RIT2: variants seen among roughly 807,000 people sequenced by gnomAD.
RIT2 encodes the protein Ras like without CAAX 2.
RIT2 carries 24 observed loss-of-function variants against 23.7 expected under a neutral mutation model. The observed-to-expected ratio is 1.01, with a 90% confidence interval of 0.73 to 1.43. The LOEUF is 1.43. RIT2 is among the 40% of genes most tolerant of loss of function. The probability of loss-of-function intolerance (pLI) is 0.00; values close to 1 mark genes in which losing one functional copy is unlikely to be tolerated. For synonymous variants in RIT2, 107 were observed against 91.1 expected, an observed-to-expected ratio of 1.17 and a Z score of -0.99; for missense variants, 236 against 266.9, an observed-to-expected ratio of 0.88 and a Z score of 0.81.
intron 4 of RIT2, among the ~76,000 whole-genome samples, chr18:42,763,128 A>G (rs1913340114): frequency 6.6e-6 from 1 of 152,188 alleles, no homozygotes; most frequent in Non-Finnish European, 1.5e-5. Flanking sequence ...TGTCTATTTA[A>G]ACAAAAGAAG....
chr18:42,867,319 C>T (rs888357754), intron 4 of RIT2, among the ~76,000 whole-genome samples: 1 of 152,068 alleles, frequency 6.6e-6, no homozygotes. Flanking sequence ...ATTCCTGATT[C>T]GGTAAGCCTG....
intron 4 of RIT2, among the ~76,000 whole-genome samples, chr18:42,759,971 T>G (rs1481846895): frequency 1.3e-5 from 2 of 152,042 alleles, no homozygotes; most frequent in African/African-American, 4.8e-5. Flanking sequence ...GAGATGGGGT[T>G]TCTCCATGTT....
intron 4 of RIT2, among the ~76,000 whole-genome samples, chr18:42,872,143 C>CT (rs1230814972): frequency 1.3e-5 from 2 of 152,072 alleles, no homozygotes. Context: ...GATTTTTGGA[C>CT]TTTTTTCTTT....
intron 3 of RIT2, among the ~76,000 whole-genome samples, chr18:42,960,726 G>T (rs1218621897): frequency 6.6e-6 from 1 of 152,082 alleles, no homozygotes; most frequent in African/African-American, 2.4e-5. Flanking sequence ...TTATTAACAG[G>T]ACCTACATCA....
intron 4 of RIT2, among the ~76,000 whole-genome samples, chr18:42,819,158 T>A (rs1013913841): frequency 1.3e-5 from 2 of 152,088 alleles, no homozygotes; most frequent in Non-Finnish European, 2.9e-5. Context: ...TCTTTCTGCC[T>A]TATATAATAA....
chr18:43,036,960 C>CTAAG (rs1911995397), intron 1 of RIT2, among the ~76,000 whole-genome samples: 2 of 152,164 alleles, frequency 1.3e-5, no homozygotes, highest in African/African-American at 4.8e-5. Flanking sequence ...AATTTTATTT[C>CTAAG]ATTTTATGTT....
chr18:42,849,225 A>C (rs1313317582), intron 4 of RIT2, among the ~76,000 whole-genome samples: 1 of 152,116 alleles, frequency 6.6e-6, no homozygotes, highest in African/African-American at 2.4e-5. Context: ...CCAGTCTAAA[A>C]TTCAATATTT....
chr18:43,076,833 G>T (rs959960853), intron 1 of RIT2, among the ~76,000 whole-genome samples: 13 of 152,128 alleles, frequency 8.5e-5, no homozygotes, highest in Non-Finnish European at 1.8e-4. Flanking sequence ...GCCGGGCGCG[G>T]TGGCTCATGC....
intron 4 of RIT2, among the ~76,000 whole-genome samples, chr18:42,814,302 G>A (rs1905933242): frequency 6.6e-6 from 1 of 152,176 alleles, no homozygotes; most frequent in African/African-American, 2.4e-5. Flanking sequence ...TATTGCAGCT[G>A]GGAGGCAAGC....
chr18:42,956,218 A>G (rs1054118455), intron 3 of RIT2, among the ~76,000 whole-genome samples: 1 of 152,136 alleles, frequency 6.6e-6, no homozygotes, highest in Non-Finnish European at 1.5e-5. Flanking sequence ...GAGCAATGCT[A>G]ATCTCTACCC....
intron 4 of RIT2, among the ~76,000 whole-genome samples, chr18:42,757,998 C>A (rs1036207672): frequency 4.0e-5 from 6 of 151,270 alleles, no homozygotes; most frequent in Admixed American, 2.6e-4. Context: ...GGCTGAATAA[C>A]CTTTTTTTTT....
intron 1 of RIT2, among the ~76,000 whole-genome samples, chr18:43,063,086 G>C (rs1220916072): frequency 6.6e-6 from 1 of 152,138 alleles, no homozygotes; most frequent in Admixed American, 6.6e-5. Context: ...AACAGATTTA[G>C]ATCAAACTAT....
chr18:42,865,348 G>T (rs1191947754), intron 4 of RIT2, among the ~76,000 whole-genome samples: 1 of 152,134 alleles, frequency 6.6e-6, no homozygotes, highest in Non-Finnish European at 1.5e-5. Flanking sequence ...ATCTGCTATT[G>T]TTATTACCAG....
At chr18:42,779,348 G>T (rs1913751983) in intron 4 of RIT2, among the ~76,000 whole-genome samples, 1 of 152,078 alleles carries the variant, frequency 6.6e-6, no homozygotes, top group South Asian at 2.1e-4. Context: ...TCCTCTGTTG[G>T]AGAGTAGGAG....
intron 3 of RIT2, among the ~76,000 whole-genome samples, chr18:42,954,374 C>CAAAAAAAA (rs200231977): frequency 1.2e-5 from 1 of 86,336 alleles, no homozygotes. Flanking sequence ...ATTTCCAACT[C>CAAAAAAAA]AAAAAAAAAA....
intron 4 of RIT2, 33 bp downstream of exon 4, chr18:42,923,539 A>G (rs1304972622): frequency 2.5e-6 from 4 of 1,593,934 alleles, no homozygotes; most frequent in Non-Finnish European, 3.4e-6. Flanking sequence ...TCAGAGCAAA[A>G]GACAGAAGCT....
chr18:42,978,232 G>C (rs918052285), intron 2 of RIT2, among the ~76,000 whole-genome samples: 2 of 151,670 alleles, frequency 1.3e-5, no homozygotes, highest in Non-Finnish European at 2.9e-5. Context: ...GCTTCTCTTG[G>C]GATCAGAAAA....
At chr18:43,097,288 A>G (rs1913576452) in intron 1 of RIT2, among the ~76,000 whole-genome samples, 1 of 151,948 alleles carries the variant, frequency 6.6e-6, no homozygotes, top group Admixed American at 6.6e-5. Flanking sequence ...GTACTGGCAT[A>G]GAGTATAGAG....
At chr18:43,067,824 A>G (rs1468481684) in intron 1 of RIT2, among the ~76,000 whole-genome samples, 2 of 152,128 alleles carry the variant, frequency 1.3e-5, no homozygotes, top group East Asian at 3.9e-4. Context: ...TGTTACTCTC[A>G]TGACCGGAAC....
Sources: allele counts gnomAD v4.1 joint callset (sites outside exome capture counted in the v4.1 genomes callset), GRCh38; gene constraint gnomAD v4.1.1; transcripts MANE v1.5; gene names NCBI Gene and HGNC (gene_info 2026-07-23, HGNC 2026-07-21).